The following ACYP2 variants were observed in gnomAD, a reference collection of about 807,000 sequenced individuals.
ACYP2 encodes acylphosphatase 2, also known as acylphosphatase-2.
ACYP2 carries 12 observed loss-of-function variants against 11.2 expected under a neutral mutation model. That is an observed-to-expected ratio of 1.08 (90% CI 0.69 to 1.74). ACYP2 has a LOEUF of 1.74. ACYP2 is among the 40% of genes most tolerant of loss of function. The probability of loss-of-function intolerance (pLI) is 0.00; values close to 1 mark genes in which losing one functional copy is unlikely to be tolerated. For missense variants in ACYP2, 134 were observed against 101.9 expected (o/e 1.31, Z -1.35); for synonymous variants, 43 against 32.2 (o/e 1.33, Z -1.13).
intron 4 of ACYP2, among the ~76,000 whole-genome samples, chr2:54,093,854 G>A (rs1177186087): frequency 6.6e-6 from 1 of 152,104 alleles, no homozygotes; most frequent in African/African-American, 2.4e-5. Flanking sequence ...GCAGGAGAAT[G>A]ACATGAACCT....
rs555864918 is a variant in ACYP2 at position 54,196,705 on chromosome 2, C to T, written c.404+57957C>T. On this transcript the variant is annotated intron_variant, in intron 6 of 6. Coordinates refer to ENST00000607452, the MANE Select transcript of ACYP2 (RefSeq NM_001320586.2). ...TTCTCTGGCCTTCACCCTCTAGTTG[C>T]AACTAGCAACCCCCAGTCGTGGTCA... Among the ~76,000 whole-genome samples, 3 of 152,040 alleles carry T rather than the reference C, an allele frequency of 2.0e-5. No individual in the cohort carries two copies. In the South Asian group the frequency reaches 6.2e-4, roughly 32 times the overall value.
intron 6 of ACYP2, among the ~76,000 whole-genome samples, chr2:54,204,289 G>T (rs11885441): frequency 6.8e-6 from 1 of 147,520 alleles, no homozygotes; most frequent in African/African-American, 2.5e-5. Flanking sequence ...CACTGCGCCC[G>T]GCCATGGGAT....
chr2:54,189,138 C>G (rs2103883142), intron 6 of ACYP2, among the ~76,000 whole-genome samples: 1 of 152,328 alleles, frequency 6.6e-6, no homozygotes, highest in East Asian at 1.9e-4. Context: ...AGCAAATTAA[C>G]ATACCCATCA....
At chr2:54,171,312 T>C (rs1214575163) in intron 6 of ACYP2, among the ~76,000 whole-genome samples, 1 of 151,970 alleles carries the variant, frequency 6.6e-6, no homozygotes, top group Admixed American at 6.6e-5. Context: ...ACAGCTTTCC[T>C]CCCCATACTG....
intron 2 of ACYP2, among the ~76,000 whole-genome samples, chr2:54,036,720 A>G (rs1674921328): frequency 6.6e-6 from 1 of 152,238 alleles, no homozygotes. Flanking sequence ...TAGGCAAGCA[A>G]GAAAATTCTG....
At chr2:54,300,881 A>C (rs78583246) in intron 6 of ACYP2, among the ~76,000 whole-genome samples, 1,940 of 152,352 alleles carry the variant, frequency 0.013, 15 homozygotes, top group Non-Finnish European at 0.018. Flanking sequence ...CAAGCTTTTA[A>C]ATCTTCCCAT....
intron 4 of ACYP2, among the ~76,000 whole-genome samples, chr2:54,078,414 ATATGGT>A (rs1468610995): frequency 7.9e-6 from 1 of 126,658 alleles, no homozygotes; most frequent in Non-Finnish European, 1.7e-5. Flanking sequence ...TGCGTACCAT[ATATGGT>A]ACGCATATAT....
chr2:54,053,976 A>G (rs1675993718), intron 3 of ACYP2, among the ~76,000 whole-genome samples: 2 of 152,234 alleles, frequency 1.3e-5, no homozygotes, highest in Non-Finnish European at 2.9e-5. Flanking sequence ...CCTGTCAAGA[A>G]ACTTGATGTT....
chr2:54,013,491 G>A (rs528940378), intron 2 of ACYP2, among the ~76,000 whole-genome samples: 67 of 151,818 alleles, frequency 4.4e-4, no homozygotes, highest in Middle Eastern at 3.4e-3. Flanking sequence ...GTAGAGACGC[G>A]GTTTCATCAT....
chr2:54,012,775 A>G (rs1272675534), intron 2 of ACYP2, among the ~76,000 whole-genome samples: 1 of 152,014 alleles, frequency 6.6e-6, no homozygotes, highest in Non-Finnish European at 1.5e-5. Context: ...CTCTTTCTCA[A>G]CTAGCAGCCA....
intron 6 of ACYP2, among the ~76,000 whole-genome samples, chr2:54,178,305 A>T (rs1572895172): frequency 6.6e-6 from 1 of 152,334 alleles, no homozygotes; most frequent in East Asian, 1.9e-4. Context: ...TCCAATAAAC[A>T]CATTTTTAAA....
intron 2 of ACYP2, among the ~76,000 whole-genome samples, chr2:54,047,852 G>T (rs953078371): frequency 6.6e-6 from 1 of 152,118 alleles, no homozygotes; most frequent in Non-Finnish European, 1.5e-5. Context: ...ACCATACCAC[G>T]ATAAGAAATT....
At chr2:54,292,970 G>C (rs926544139) in intron 6 of ACYP2, among the ~76,000 whole-genome samples, 1 of 152,138 alleles carries the variant, frequency 6.6e-6, no homozygotes, top group Non-Finnish European at 1.5e-5. Context: ...TGGCTAAGGT[G>C]GTTTTAGTTA....
chr2:54,288,203 T>G (rs896497346), intron 6 of ACYP2, among the ~76,000 whole-genome samples: 3 of 151,984 alleles, frequency 2.0e-5, no homozygotes, highest in Admixed American at 6.6e-5. Context: ...GATACTACAA[T>G]TAAGTGATAA....
chr2:53,986,342 C>CTT (rs61669504), intron 2 of ACYP2, among the ~76,000 whole-genome samples: 2 of 142,438 alleles, frequency 1.4e-5, no homozygotes, highest in Non-Finnish European at 1.5e-5. Flanking sequence ...AAGTAAACCT[C>CTT]TTTTTTTTTT....
In ACYP2 at chr2:54,072,709, C is replaced by T. The variant is rs553023461; in HGVS notation, c.277+15349C>T. 1.3e-4 allele frequency among the ~76,000 whole-genome samples: 20 copies of T among 151,792 alleles called. No individual in the cohort carries two copies. In the South Asian group the frequency reaches 2.1e-3, roughly 16 times the overall value. On this transcript the variant is annotated intron_variant, in intron 4 of 6. Coordinates refer to ENST00000607452, the MANE Select transcript of ACYP2 (RefSeq NM_001320586.2). ...TCCTGAGTAGCTGGGACTACAGGCA[C>T]GTGCCACTGTGCCAGGCTAATTTTT...
At chr2:54,209,343 G>T (rs1220357588) in intron 6 of ACYP2, among the ~76,000 whole-genome samples, 1 of 152,094 alleles carries the variant, frequency 6.6e-6, no homozygotes, top group East Asian at 1.9e-4. Context: ...ATTTTCTCTG[G>T]AAAATTTGAA....
At chr2:54,212,136 G>T (rs112660447) in intron 6 of ACYP2, among the ~76,000 whole-genome samples, 1 of 151,974 alleles carries the variant, frequency 6.6e-6, no homozygotes, top group Admixed American at 6.6e-5. Flanking sequence ...GGCAAATTTT[G>T]GATTTTTTTT....
intron 4 of ACYP2, among the ~76,000 whole-genome samples, chr2:54,116,857 TGGCTATTTTAAAGAGCA>T (rs1194892411): frequency 6.6e-6 from 1 of 152,152 alleles, no homozygotes; most frequent in African/African-American, 2.4e-5. Context: ...TAATTCCGAC[TGGCTATTTTAAAGAGCA>T]GGCGTACGAG....
Sources: gnomAD v4.1 joint callset for allele counts (sites outside exome capture counted in the v4.1 genomes callset) on GRCh38, gnomAD v4.1.1 for gene constraint, MANE v1.5 for transcripts, NCBI Gene and HGNC (gene_info 2026-07-23, HGNC 2026-07-21) for gene names.